The following BMERB1 variants were observed in gnomAD, a reference collection of about 807,000 sequenced individuals.
The protein encoded by BMERB1 is bMERB domain containing 1.
BMERB1 carries 12 observed loss-of-function variants against 23.6 expected under a neutral mutation model. The observed-to-expected ratio is 0.51, with a 90% CI of 0.33 to 0.82. The LOEUF (loss-of-function observed/expected upper bound fraction) is 0.82. Among genes scored for constraint, BMERB1 ranks in the 40% least tolerant of loss-of-function variants. The pLI is 0.03. For synonymous variants in BMERB1, 122 were observed against 96.6 expected (o/e 1.26, Z -1.54); for missense variants, 247 against 255.4 (o/e 0.97, Z 0.22).
At chr16:15,511,388 A>AG (rs2051663151) in intron 1 of BMERB1, among the ~76,000 whole-genome samples, 2 of 152,092 alleles carry the variant, frequency 1.3e-5, no homozygotes, top group Non-Finnish European at 2.9e-5. Flanking sequence ...CATCTTTAGA[A>AG]GGCAAGGAGG....
intron 2 of BMERB1, among the ~76,000 whole-genome samples, chr16:15,557,344 G>A (rs1236366052): frequency 2.6e-5 from 4 of 152,104 alleles, no homozygotes; most frequent in Admixed American, 6.5e-5. Context: ...GGACTAATGT[G>A]GCTTATTCAA....
chr16:15,485,732 A>AAAC (rs961417190), intron 1 of BMERB1, among the ~76,000 whole-genome samples: 1 of 151,796 alleles, frequency 6.6e-6, no homozygotes, highest in Non-Finnish European at 1.5e-5. Context: ...AAAAGCAAAC[A>AAAC]AACAACAACA....
chr16:15,467,875 A>G (rs778637698), intron 1 of BMERB1, among the ~76,000 whole-genome samples: 2 of 152,164 alleles, frequency 1.3e-5, no homozygotes, highest in Admixed American at 1.3e-4. Flanking sequence ...GAAAGGCAGG[A>G]CAACTGGAAG....
chr16:15,503,447 ATTT>A (rs35592502), intron 1 of BMERB1, among the ~76,000 whole-genome samples: 2,095 of 133,252 alleles, frequency 0.016, 61 homozygotes, highest in African/African-American at 0.053. Context: ...ACGCCCGGCT[ATTT>A]TTTTTTTTTT....
At chr16:15,463,269 A>ATATATATATATATATATTTTTTTTTTT (rs1180090455) in intron 1 of BMERB1, among the ~76,000 whole-genome samples, 4 of 148,644 alleles carry the variant, frequency 2.7e-5, no homozygotes, top group African/African-American at 7.8e-5. Context: ...ATATATATAT[A>ATATATATATATATATATTTTTTTTTTT]TTTTGTAGAG....
At chr16:15,574,804 G>A (rs1036657132) in intron 3 of BMERB1, among the ~76,000 whole-genome samples, 1 of 152,110 alleles carries the variant, frequency 6.6e-6, no homozygotes, top group Non-Finnish European at 1.5e-5. Context: ...AAGGCCAGGT[G>A]CAGTGGCTCA....
At chr16:15,436,501 G>A (rs1392029395) in intron 1 of BMERB1, among the ~76,000 whole-genome samples, 1 of 151,872 alleles carries the variant, frequency 6.6e-6, no homozygotes, top group Non-Finnish European at 1.5e-5. Flanking sequence ...TCAGGTGATC[G>A]GCCTGCCCTG....
chr16:15,450,479 C>T (rs2051032457), intron 1 of BMERB1, among the ~76,000 whole-genome samples: 1 of 151,186 alleles, frequency 6.6e-6, no homozygotes, highest in African/African-American at 2.4e-5. Context: ...TCACAGCTGG[C>T]TTTTTTTTTG....
intron 1 of BMERB1, among the ~76,000 whole-genome samples, chr16:15,511,639 T>G (rs2051666687): frequency 6.6e-6 from 1 of 152,206 alleles, no homozygotes; most frequent in African/African-American, 2.4e-5. Context: ...GGCTGATGAC[T>G]GACAGGTCAA....
intron 1 of BMERB1, among the ~76,000 whole-genome samples, chr16:15,513,780 G>C (rs2051706592): frequency 6.6e-6 from 1 of 152,068 alleles, no homozygotes. Context: ...TGTTATCCCA[G>C]CTACTTGGGA....
At chr16:15,440,884 A>G (rs1286448469) in intron 1 of BMERB1, among the ~76,000 whole-genome samples, 1 of 152,204 alleles carries the variant, frequency 6.6e-6, no homozygotes, top group East Asian at 1.9e-4. Flanking sequence ...GGTTTAGGTC[A>G]TAGTAAATGT....
At chr16:15,442,585 C>T (rs1399122930) in intron 1 of BMERB1, among the ~76,000 whole-genome samples, 1 of 151,954 alleles carries the variant, frequency 6.6e-6, no homozygotes, top group Non-Finnish European at 1.5e-5. Context: ...TTAATCATGC[C>T]TATTCTTGGA....
intron 1 of BMERB1, among the ~76,000 whole-genome samples, chr16:15,452,642 CAAACTTTCCCTGTGTCCT>C (rs2051052395): frequency 2.0e-5 from 3 of 152,182 alleles, no homozygotes; most frequent in Admixed American, 2.0e-4. Context: ...CTGACTCGTA[CAAACTTTCCCTGTGTCCT>C]AAGGCCTCCT....
intron 1 of BMERB1, among the ~76,000 whole-genome samples, chr16:15,491,251 C>T (rs559597328): frequency 2.0e-5 from 3 of 152,284 alleles, no homozygotes; most frequent in Admixed American, 6.5e-5. Context: ...AGTAGGCGTT[C>T]GATCCTTTAA....
intron 1 of BMERB1, among the ~76,000 whole-genome samples, chr16:15,453,874 A>G (rs146093690): frequency 5.3e-5 from 8 of 151,996 alleles, no homozygotes; most frequent in Non-Finnish European, 1.2e-4. Flanking sequence ...CTCTGTCTCA[A>G]AAATAAAATA....
intron 2 of BMERB1, among the ~76,000 whole-genome samples, chr16:15,533,395 C>CT (rs11379898): frequency 0.051 from 7,144 of 141,154 alleles, 488 homozygotes; most frequent in African/African-American, 0.15. Context: ...TCGTTTCTTT[C>CT]TTTTTTTTTT....
chr16:15,541,644 C>T (rs1187620559), intron 2 of BMERB1, among the ~76,000 whole-genome samples: 1 of 148,282 alleles, frequency 6.7e-6, no homozygotes, highest in Non-Finnish European at 1.5e-5. Context: ...CTCTGTCACC[C>T]AGGCTGGAGT....
intron 1 of BMERB1, among the ~76,000 whole-genome samples, chr16:15,483,725 A>T (rs1014823803): frequency 6.6e-6 from 1 of 152,158 alleles, no homozygotes; most frequent in Non-Finnish European, 1.5e-5. Context: ...ATCTACAACT[A>T]TGTAAACTTG....
intron 2 of BMERB1, among the ~76,000 whole-genome samples, chr16:15,522,504 C>T (rs1248132550): frequency 6.6e-6 from 1 of 152,156 alleles, no homozygotes; most frequent in Non-Finnish European, 1.5e-5. Context: ...ATTTTCTATG[C>T]TGGCTAGTTT....
Sources: gnomAD v4.1 joint callset for allele counts (sites outside exome capture counted in the v4.1 genomes callset) on GRCh38, gnomAD v4.1.1 for gene constraint, MANE v1.5 for transcripts, NCBI Gene and HGNC (gene_info 2026-07-23, HGNC 2026-07-21) for gene names.